Variants in RMI1 observed in about 807,000 individuals in gnomAD.
The protein encoded by RMI1 is RecQ mediated genome instability 1, also known as recQ-mediated genome instability protein 1.
RMI1 carries 36 observed loss-of-function variants against 46.7 expected under a neutral mutation model. The observed-to-expected ratio is 0.77, with a 90% CI of 0.59 to 1.02. The LOEUF (loss-of-function observed/expected upper bound fraction) is 1.02. Ranked by LOEUF, RMI1 falls within the 50% of genes least tolerant of loss-of-function variation. RMI1 has a pLI of 0.00. For synonymous variants in RMI1, 250 were observed against 252.9 expected, an observed-to-expected ratio of 0.99 and a Z score of 0.11; for missense variants, 676 against 713.7, an observed-to-expected ratio of 0.95 and a Z score of 0.60.
upstream of RMI1, chr9:83,980,430 T>C (rs1957341941): frequency 6.6e-6 from 1 of 152,652 alleles, no homozygotes; most frequent in South Asian, 2.1e-4. Context: ...TTGGGAAAAG[T>C]AAACGCAGCC....
chr9:83,982,624 C>T (rs1588455151), intron 1 of RMI1, among the ~76,000 whole-genome samples: 1 of 151,880 alleles, frequency 6.6e-6, no homozygotes, highest in Admixed American at 6.6e-5. Flanking sequence ...GCCGAGATCG[C>T]GCCACTGCAC....
intron 1 of RMI1, chr9:83,993,179 A>G (rs1466687372): frequency 2.0e-5 from 3 of 152,212 alleles, no homozygotes; most frequent in African/African-American, 4.8e-5. Context: ...ACACTTGACA[A>G]ACACCATTCT....
chr9:83,996,271 G>A (rs1957652115), intron 1 of RMI1, among the ~76,000 whole-genome samples: 1 of 152,224 alleles, frequency 6.6e-6, no homozygotes, highest in South Asian at 2.1e-4. Context: ...TGCAGGCCCA[G>A]TGTCTATTCT....
At chr9:83,986,005 A>T (rs1048381684) in intron 1 of RMI1, among the ~76,000 whole-genome samples, 2 of 152,056 alleles carry the variant, frequency 1.3e-5, no homozygotes, top group Non-Finnish European at 2.9e-5. Context: ...CAAGACTCCA[A>T]AAAAAACCCA....
At chr9:84,000,562 G>A (rs1024524187) in intron 2 of RMI1, among the ~76,000 whole-genome samples, 1 of 152,184 alleles carries the variant, frequency 6.6e-6, no homozygotes, top group Non-Finnish European at 1.5e-5. Context: ...GGAGGCTAAT[G>A]TAACTACTGT....
intron 1 of RMI1, among the ~76,000 whole-genome samples, chr9:83,986,214 A>G (rs1425985040): frequency 1.3e-5 from 2 of 152,228 alleles, no homozygotes; most frequent in African/African-American, 4.8e-5. Context: ...TATCACAAAG[A>G]TAAATATAGT....
chr9:84,001,579 TAGA>T lies in RMI1; in HGVS notation c.598_600del (p.Glu200del). 6.2e-7 allele frequency: 1 copy of T among 1,613,972 alleles called. No homozygotes were observed. The highest frequency in any genetic ancestry group is 8.5e-7 in the Non-Finnish European group (1 of 1,179,966). ...TTAGGAGGTGAAGTAGATGCTCTTT[TAGA>T]AGAATATGCCCAAGAAAAAGTACTT... On this transcript the variant is annotated inframe_deletion, in exon 3 of 3. Transcript: ENST00000445877.
In RMI1 at chr9:84,003,147, G is replaced by A. The variant is rs886430725; in HGVS notation, c.*283G>A. 5 of 217,098 alleles carry A rather than the reference G, an allele frequency of 2.3e-5. No homozygotes were observed. Among genetic ancestry groups the A allele is most frequent in the Non-Finnish European group, 4.9e-5 (5 of 101,226 alleles). 13.4% of individuals were successfully genotyped at this position (217,098 alleles called of 1,614,324 possible). Reference sequence around the variant, plus strand: ...TTGCATCAACCTCTTGAGCTCAAGCGATCCTCCTGCCTTAGCCTCTTGAGT... The same window carrying A: ...TTGCATCAACCTCTTGAGCTCAAGCAATCCTCCTGCCTTAGCCTCTTGAGT... On this transcript the variant is annotated 3_prime_UTR_variant, in exon 3 of 3. Transcript: ENST00000445877.
rs752217372 is a variant in RMI1, at chr9:84,002,476, T to TA, written c.1492dup (p.Met498AsnfsTer39). The TA allele has an allele frequency of 6.2e-7, 1 of 1,614,002 alleles. No individual in the cohort carries two copies. The highest frequency in any genetic ancestry group is 1.3e-5 in the African/African-American group (1 of 75,064). On this transcript the variant is annotated frameshift_variant, in exon 3 of 3. Transcript: ENST00000445877. LOFTEE classifies it high-confidence loss of function. ...CCACCCTTTGTCTATTTGTCTGTTCTAATGGCCAGCAAACCAAAGGAAGTT... is the reference window on the plus strand; with the variant it reads ...CCACCCTTTGTCTATTTGTCTGTTCTAAATGGCCAGCAAACCAAAGGAAGTT...
At chr9:83,994,510 C>A (rs1301863862) in intron 1 of RMI1, among the ~76,000 whole-genome samples, 2 of 152,174 alleles carry the variant, frequency 1.3e-5, no homozygotes, top group Non-Finnish European at 2.9e-5. Flanking sequence ...TAATCTTTTA[C>A]ATGGGCATGT....
intron 1 of RMI1, among the ~76,000 whole-genome samples, chr9:83,998,273 A>G (rs1389860414): frequency 6.6e-6 from 1 of 152,144 alleles, no homozygotes; most frequent in African/African-American, 2.4e-5. Flanking sequence ...AAATGTTTAT[A>G]CTCTCATTTT....
chr9:83,997,232 C>T (rs1957670751), intron 1 of RMI1, among the ~76,000 whole-genome samples: 1 of 151,346 alleles, frequency 6.6e-6, no homozygotes, highest in Admixed American at 6.6e-5. Context: ...CTGCCTCAGC[C>T]TCCTGAGTAG....
At chr9:83,993,816 C>T (rs1444477480) in intron 1 of RMI1, among the ~76,000 whole-genome samples, 2 of 151,948 alleles carry the variant, frequency 1.3e-5, no homozygotes. Flanking sequence ...AAGATAGGGT[C>T]TTGCTTTGTC....
Position 84,001,727 on chromosome 9 carries a change from CTT to C in RMI1, c.742_743del (p.Leu248GlyfsTer4), listed in dbSNP as rs768787935. The C allele has an allele frequency of 1.9e-5, 30 of 1,613,954 alleles. No homozygotes were observed. The South Asian group carries it at 3.2e-4, about 17-fold the overall frequency. On this transcript the variant is annotated frameshift_variant, in exon 3 of 3. Coordinates refer to ENST00000445877, the MANE Select transcript of RMI1 (RefSeq NM_001358291.2). LOFTEE classifies it high-confidence loss of function. Reference sequence around the variant, plus strand: ...CATTAGGTCCTTCTGATGAAGAACTCTTGGCAAGTCTTGATGAAAATGATGAG... The same window carrying C: ...CATTAGGTCCTTCTGATGAAGAACTCGGCAAGTCTTGATGAAAATGATGAG... ...PALGPSDEEL[L>X]ASLDENDELT...
chr9:83,981,552 G>A (rs1367942764), intron 1 of RMI1, among the ~76,000 whole-genome samples: 1 of 152,140 alleles, frequency 6.6e-6, no homozygotes, highest in Non-Finnish European at 1.5e-5. Flanking sequence ...AGGCACATAA[G>A]GTCACTTTCA....
chr9:83,986,351 C>T (rs1004195079), intron 1 of RMI1, among the ~76,000 whole-genome samples: 2 of 152,160 alleles, frequency 1.3e-5, no homozygotes, highest in Non-Finnish European at 1.5e-5. Context: ...TAGCAGCAAA[C>T]CACTCTTATA....
At chr9:83,982,608 C>T (rs1395373796) in intron 1 of RMI1, among the ~76,000 whole-genome samples, 2 of 152,012 alleles carry the variant, frequency 1.3e-5, no homozygotes, top group African/African-American at 4.8e-5. Context: ...GCTGATCTTG[C>T]AGTGAGCCGA....
chr9:83,989,638 C>T (rs1202028976), intron 1 of RMI1, among the ~76,000 whole-genome samples: 2 of 147,946 alleles, frequency 1.4e-5, no homozygotes, highest in Non-Finnish European at 3.0e-5. Context: ...GATATCGTCT[C>T]ACCCCAGTTA....
intron 1 of RMI1, among the ~76,000 whole-genome samples, chr9:83,987,760 C>G (rs891266254): frequency 1.3e-5 from 2 of 152,170 alleles, no homozygotes; most frequent in African/African-American, 4.8e-5. Flanking sequence ...CCTTTACTTA[C>G]CATACTGAAT....
Sources: gnomAD v4.1 joint callset for allele counts (sites outside exome capture counted in the v4.1 genomes callset) on GRCh38, gnomAD v4.1.1 for gene constraint, MANE v1.5 for transcripts, NCBI Gene and HGNC (gene_info 2026-07-23, HGNC 2026-07-21) for gene names.